The following LINGO2 variants were observed in gnomAD, a reference collection of about 807,000 sequenced individuals.
LINGO2 encodes leucine rich repeat and Ig domain containing 2, also known as leucine-rich repeat and immunoglobulin-like domain-containing nogo receptor-interacting protein 2.
LINGO2 carries 14 observed loss-of-function variants against 30.6 expected under a neutral mutation model. The ratio of observed to expected loss-of-function variants is 0.46; its 90% CI spans 0.30 to 0.72. The LOEUF (loss-of-function observed/expected upper bound fraction) is 0.72, where lower values mean the gene tolerates loss of function less well. LINGO2 is among the 30% of genes least tolerant of loss of function. LINGO2 has a pLI of 0.07. For missense variants in LINGO2, 729 were observed against 751.7 expected, an observed-to-expected ratio of 0.97 and a Z score of 0.35; for synonymous variants, 317 against 288.5, an observed-to-expected ratio of 1.10 and a Z score of -1.00.
chr9:28,515,037 C>T (rs1406392367), intron 1 of LINGO2, among the ~76,000 whole-genome samples: 1 of 151,974 alleles, frequency 6.6e-6, no homozygotes, highest in Non-Finnish European at 1.5e-5. Flanking sequence ...ATAAAAGATT[C>T]CTTTCAAAAT....
At chr9:28,065,694 G>T (rs940495642) in intron 4 of LINGO2, among the ~76,000 whole-genome samples, 1 of 152,084 alleles carries the variant, frequency 6.6e-6, no homozygotes, top group African/African-American at 2.4e-5. Flanking sequence ...GTCTGCATGG[G>T]TCTGATGCAA....
chr9:28,380,193 C>T (rs567096677), intron 2 of LINGO2, among the ~76,000 whole-genome samples: 2 of 152,116 alleles, frequency 1.3e-5, no homozygotes, highest in East Asian at 3.9e-4. Context: ...ATCATTCACT[C>T]ATGTGTTCAT....
chr9:29,004,432 T>G, the LINGO2 span, among the ~76,000 whole-genome samples: 6 of 151,930 alleles, frequency 3.9e-5, no homozygotes, highest in East Asian at 1.2e-3. Context: ...ATATAGTGTA[T>G]TGAGAAATGC....
chr9:28,026,694 T>C (rs966391140), intron 4 of LINGO2, among the ~76,000 whole-genome samples: 2 of 152,190 alleles, frequency 1.3e-5, no homozygotes, highest in African/African-American at 4.8e-5. Context: ...TTTTTTGAGG[T>C]ATCCCCTCCG....
chr9:28,896,675 G>A, the LINGO2 span, among the ~76,000 whole-genome samples: 20 of 151,934 alleles, frequency 1.3e-4, no homozygotes, highest in African/African-American at 3.4e-4. Flanking sequence ...ATACACTGGT[G>A]GTGTAGTCAG....
chr9:28,254,021 C>A (rs1020618946), intron 4 of LINGO2, among the ~76,000 whole-genome samples: 1 of 152,046 alleles, frequency 6.6e-6, no homozygotes, highest in Non-Finnish European at 1.5e-5. Context: ...TTTTGCCCAA[C>A]AAATTCCATT....
chr9:28,056,879 T>C (rs749056140), intron 4 of LINGO2, among the ~76,000 whole-genome samples: 11 of 152,162 alleles, frequency 7.2e-5, no homozygotes, highest in Non-Finnish European at 1.0e-4. Context: ...ACAAGAATGA[T>C]AGAAACTGAA....
At chr9:28,481,870 G>A (rs181729472) in intron 1 of LINGO2, among the ~76,000 whole-genome samples, 4 of 151,474 alleles carry the variant, frequency 2.6e-5, no homozygotes, top group Non-Finnish European at 4.4e-5. Flanking sequence ...GAGAATATGC[G>A]GTGTTTGGTT....
chr9:28,057,626 T>TAC (rs1285963771), intron 4 of LINGO2, among the ~76,000 whole-genome samples: 22 of 149,176 alleles, frequency 1.5e-4, no homozygotes, highest in African/African-American at 4.9e-4. Flanking sequence ...TACATATATA[T>TAC]ACACACATAT....
chr9:28,030,825 G>A (rs1376451437), intron 4 of LINGO2, among the ~76,000 whole-genome samples: 2 of 149,916 alleles, frequency 1.3e-5, no homozygotes, highest in Non-Finnish European at 1.5e-5. Flanking sequence ...AATGATGAAG[G>A]AAATGGAAAA....
the LINGO2 span, among the ~76,000 whole-genome samples, chr9:29,031,927 T>A: frequency 6.6e-6 from 1 of 152,134 alleles, no homozygotes; most frequent in African/African-American, 2.4e-5. Context: ...GTGACTCAAA[T>A]TTTCAGTGGA....
At chr9:28,898,286 TATC>T in the LINGO2 span, among the ~76,000 whole-genome samples, 42 of 152,328 alleles carry the variant, frequency 2.8e-4, no homozygotes, top group African/African-American at 9.4e-4. Flanking sequence ...CTGTAGCAGT[TATC>T]ATCCAAAATA....
chr9:28,895,706 T>C, the LINGO2 span, among the ~76,000 whole-genome samples: 2 of 152,026 alleles, frequency 1.3e-5, no homozygotes, highest in African/African-American at 4.8e-5. Flanking sequence ...GTAGTCAGAA[T>C]TGACAGAACC....
At chr9:28,613,418 A>G (rs1390870559) in intron 1 of LINGO2, among the ~76,000 whole-genome samples, 1 of 152,014 alleles carries the variant, frequency 6.6e-6, no homozygotes, top group Non-Finnish European at 1.5e-5. Flanking sequence ...AGATAGGTAC[A>G]TATACTACAT....
the LINGO2 span, among the ~76,000 whole-genome samples, chr9:28,963,343 A>G: frequency 1.2e-4 from 18 of 151,976 alleles, no homozygotes; most frequent in Non-Finnish European, 4.4e-5. Flanking sequence ...TAGTACATTG[A>G]AGATAAGAAA....
intron 4 of LINGO2, among the ~76,000 whole-genome samples, chr9:28,063,919 G>A (rs1407059486): frequency 6.6e-6 from 1 of 152,096 alleles, no homozygotes; most frequent in Non-Finnish European, 1.5e-5. Flanking sequence ...AAAGGCTTAA[G>A]TATTTGAGTT....
chr9:28,344,370 T>A (rs1031029569), intron 3 of LINGO2, among the ~76,000 whole-genome samples: 5 of 152,068 alleles, frequency 3.3e-5, no homozygotes, highest in African/African-American at 1.2e-4. Context: ...CTAAAATATA[T>A]GGTTATGTTA....
At chr9:28,927,509 T>C in the LINGO2 span, among the ~76,000 whole-genome samples, 8 of 152,302 alleles carry the variant, frequency 5.3e-5, no homozygotes, top group East Asian at 3.9e-4. Context: ...AGATGGATGA[T>C]TTAGTATACT....
At chr9:28,700,227 A>T in the LINGO2 span, among the ~76,000 whole-genome samples, 1 of 151,940 alleles carries the variant, frequency 6.6e-6, no homozygotes, top group East Asian at 1.9e-4. Flanking sequence ...AGCTGACACT[A>T]AAGGAAAATG....
Sources: gnomAD v4.1 joint callset for allele counts (sites outside exome capture counted in the v4.1 genomes callset) on GRCh38, gnomAD v4.1.1 for gene constraint, MANE v1.5 for transcripts, NCBI Gene and HGNC (gene_info 2026-07-23, HGNC 2026-07-21) for gene names.